CFI: variants seen among roughly 807,000 people sequenced by gnomAD.
CFI encodes C3B/C4B inactivator.
In CFI, 66 loss-of-function variants were observed where a neutral mutation model predicts 78.8. The ratio of observed to expected loss-of-function variants is 0.84; its 90% confidence interval spans 0.69 to 1.03. The LOEUF (loss-of-function observed/expected upper bound fraction) is 1.03, where lower values mean the gene tolerates loss of function less well. Among genes scored for constraint, CFI ranks in the 50% least tolerant of loss-of-function variants. The pLI is 0.00. For missense variants in CFI, 706 were observed against 704.5 expected (o/e 1.00, Z -0.02); for synonymous variants, 250 against 232.6 (o/e 1.07, Z -0.68).
chr4:109,796,241 A>C (rs1732042125), intron 1 of CFI, among the ~76,000 whole-genome samples: 1 of 152,232 alleles, frequency 6.6e-6, no homozygotes, highest in Non-Finnish European at 1.5e-5. Context: ...TAACGAAGAA[A>C]CAAAAAACCC....
At chr4:109,739,183 T>C (rs760695914), downstream of CFI, among the ~76,000 whole-genome samples, 2 of 152,026 alleles carry the variant, frequency 1.3e-5, no homozygotes, top group African/African-American at 2.4e-5. Flanking sequence ...ATTAAATCAG[T>C]AGGGATCTAT....
intron 7 of CFI, among the ~76,000 whole-genome samples, chr4:109,754,608 A>G (rs1725896986): frequency 6.6e-6 from 1 of 152,120 alleles, no homozygotes; most frequent in South Asian, 2.1e-4. Context: ...CACATAGCCC[A>G]GAATGGCAGC....
chr4:109,741,474 A>G (rs918219014), intron 12 of CFI: 8 of 436,452 alleles, frequency 1.8e-5, no homozygotes, highest in Middle Eastern at 1.2e-3. Flanking sequence ...CATTGTCTTC[A>G]TTCTTACCAC....
intron 9 of CFI, 45 bp from the exon 10 acceptor site, chr4:109,749,366 G>A (rs539931916): frequency 1.2e-5 from 19 of 1,543,178 alleles, no homozygotes; most frequent in African/African-American, 4.1e-5. Flanking sequence ...AACAGATAGC[G>A]ATACAAACAG....
chr4:109,778,616 C>T (rs892491725), intron 1 of CFI, among the ~76,000 whole-genome samples: 2 of 152,144 alleles, frequency 1.3e-5, no homozygotes, highest in African/African-American at 4.8e-5. Flanking sequence ...AGGGAATCCT[C>T]CCTAATTCAT....
At chr4:109,740,565 T>C (rs1723663386), downstream of CFI, 1 of 360,790 alleles carries the variant, frequency 2.8e-6, no homozygotes, top group African/African-American at 2.1e-5. Flanking sequence ...CAGGGCATAG[T>C]AGGTGATAGA....
At chr4:109,772,468 A>G (rs1276146908) in intron 1 of CFI, among the ~76,000 whole-genome samples, 2 of 152,228 alleles carry the variant, frequency 1.3e-5, no homozygotes, top group Non-Finnish European at 2.9e-5. Flanking sequence ...TATTTAAATC[A>G]CCATTGAAAC....
At chr4:109,732,869 A>G in the CFI span, among the ~76,000 whole-genome samples, 5 of 152,110 alleles carry the variant, frequency 3.3e-5, no homozygotes, top group Non-Finnish European at 5.9e-5. Flanking sequence ...AAAAAAAAAA[A>G]AAAGAATTTC....
intron 10 of CFI, among the ~76,000 whole-genome samples, chr4:109,747,316 C>T (rs888567949): frequency 6.6e-6 from 1 of 152,004 alleles, no homozygotes; most frequent in Non-Finnish European, 1.5e-5. Context: ...TCCCTAGTAA[C>T]TAGAACTACA....
the CFI span, among the ~76,000 whole-genome samples, chr4:109,732,797 C>T: frequency 6.7e-6 from 1 of 148,198 alleles, no homozygotes. Flanking sequence ...GCAGAGCTTG[C>T]AATGAGCCAA....
chr4:109,796,477 C>G (rs1272200394), intron 1 of CFI, among the ~76,000 whole-genome samples: 1 of 152,132 alleles, frequency 6.6e-6, no homozygotes, highest in Non-Finnish European at 1.5e-5. Context: ...TTCTATACAT[C>G]AATAATGAAC....
chr4:109,749,619 G>T lies in CFI; in HGVS notation c.941-17C>A. On this transcript the variant is annotated splice_polypyrimidine_tract_variant and intron_variant, in intron 8 of 12. Transcript: ENST00000394634. ...GTCTTCTTTCTTCAAGAAAGGAAGA[G>T]ATTACATCATTATTATCTTGAACCC... 6.8e-7 allele frequency: 1 copy of T among 1,475,442 alleles called. No individual in the cohort carries two copies. The highest frequency in any genetic ancestry group is 9.5e-7 in the Non-Finnish European group (1 of 1,054,006). 91.4% of individuals were successfully genotyped at this position (1,475,442 alleles called of 1,614,324 possible).
rs933612022 is a variant in CFI at position 109,766,949 on chromosome 4, G to A, written c.58-125C>T. 6 of 908,570 alleles carry A rather than the reference G, an allele frequency of 6.6e-6. No individual in the cohort carries two copies. In the African/African-American group the frequency reaches 8.3e-5, roughly 13 times the overall value. 56.3% of individuals were successfully genotyped at this position (908,570 alleles called of 1,614,324 possible). A position where few individuals can be genotyped will look rare whatever the true frequency, so the allele number is the denominator to read the frequency against. ...GTACAGATGAGGATGGTGTTGTCTG[G>A]TGGCTTCAAGAATCAGAAATAATGC... On this transcript the variant is annotated intron_variant, in intron 1 of 12. Coordinates refer to ENST00000394634, the MANE Select transcript of CFI (RefSeq NM_000204.5).
downstream of CFI, among the ~76,000 whole-genome samples, chr4:109,738,509 A>C (rs890593574): frequency 6.6e-6 from 1 of 152,108 alleles, no homozygotes; most frequent in African/African-American, 2.4e-5. Flanking sequence ...ATATGTCCAT[A>C]AATTCTTTGA....
chr4:109,756,954 A>AAAGAAAGAAAGAAAGAAAGG (rs1726351674), intron 7 of CFI, among the ~76,000 whole-genome samples: 1 of 146,848 alleles, frequency 6.8e-6, no homozygotes, highest in Admixed American at 6.7e-5. Flanking sequence ...AGAAAGAAAG[A>AAAGAAAGAAAGAAAGAAAGG]AAGAAAGAAA....
chr4:109,795,291 A>G (rs1177169087), intron 1 of CFI, among the ~76,000 whole-genome samples: 2 of 152,138 alleles, frequency 1.3e-5, no homozygotes, highest in Non-Finnish European at 2.9e-5. Context: ...CCACCCACAC[A>G]TGGTCTCAAG....
rs543038412 is a variant in CFI, at chr4:109,800,912, T to C, written c.57+1003A>G. Among the ~76,000 whole-genome samples the C allele has an allele frequency of 2.0e-5, 3 of 152,308 alleles. No individual in the cohort carries two copies. In the South Asian group the frequency reaches 6.2e-4, roughly 32 times the overall value. On this transcript the variant is annotated intron_variant, in intron 1 of 12. Transcript: ENST00000394634. ...ATACAATAATTTAACCAGTGTCTTA[T>C]TAATAAGCATTTAGTTATTTCCATT...
intron 1 of CFI, among the ~76,000 whole-genome samples, chr4:109,770,762 G>A (rs546089138): frequency 1.3e-5 from 2 of 152,044 alleles, no homozygotes; most frequent in South Asian, 2.1e-4. Flanking sequence ...CAGGATATAA[G>A]ATATCAAAAT....
At chr4:109,753,069 A>C (rs1162274319) in intron 7 of CFI, among the ~76,000 whole-genome samples, 4 of 110,700 alleles carry the variant, frequency 3.6e-5, no homozygotes, top group Non-Finnish European at 5.0e-5. Flanking sequence ...TATATAAATA[A>C]ATATTTATAA....
Sources: gnomAD v4.1 joint callset for allele counts (sites outside exome capture counted in the v4.1 genomes callset) on GRCh38, gnomAD v4.1.1 for gene constraint, MANE v1.5 for transcripts, NCBI Gene and HGNC (gene_info 2026-07-23, HGNC 2026-07-21) for gene names.